The following POFUT3 variants were observed in gnomAD, a reference collection of about 807,000 sequenced individuals.
The protein encoded by POFUT3 is protein O-fucosyltransferase 3, also known as GDP-fucose protein O-fucosyltransferase 3.
At chr8:33,364,820 G>A in the POFUT3 span, among the ~76,000 whole-genome samples, 3 of 152,108 alleles carry the variant, frequency 2.0e-5, no homozygotes, top group South Asian at 2.1e-4. Context: ...AATCAATAGC[G>A]TGAAAATGGC....
the POFUT3 span, among the ~76,000 whole-genome samples, chr8:33,331,564 G>A: frequency 3.1e-4 from 47 of 152,276 alleles, no homozygotes; most frequent in African/African-American, 9.6e-4. Context: ...GCTCACACCT[G>A]TAATCTCAGC....
the POFUT3 span, among the ~76,000 whole-genome samples, chr8:33,319,424 A>T: frequency 0.11 from 3,719 of 33,324 alleles, 1,149 homozygotes; most frequent in East Asian, 0.6. Context: ...TAAATATATT[A>T]TATATATATT....
the POFUT3 span, among the ~76,000 whole-genome samples, chr8:33,310,011 T>C: frequency 6.6e-6 from 1 of 152,176 alleles, no homozygotes; most frequent in Non-Finnish European, 1.5e-5. Flanking sequence ...TCTCTATGCC[T>C]GAGTAGATTA....
chr8:33,405,348 T>C, the POFUT3 span, among the ~76,000 whole-genome samples: 1 of 152,148 alleles, frequency 6.6e-6, no homozygotes, highest in Non-Finnish European at 1.5e-5. Context: ...CTACATCGTC[T>C]TAAGAACTTT....
chr8:33,336,020 C>T, the POFUT3 span, among the ~76,000 whole-genome samples: 4 of 152,004 alleles, frequency 2.6e-5, no homozygotes, highest in South Asian at 4.1e-4. Context: ...GCAGTTCAAA[C>T]GCATGTTGTT....
the POFUT3 span, among the ~76,000 whole-genome samples, chr8:33,391,814 G>C: frequency 7.2e-5 from 11 of 152,110 alleles, no homozygotes; most frequent in Admixed American, 6.5e-4. Flanking sequence ...GAATTAACTG[G>C]GGGGATCAGG....
the POFUT3 span, among the ~76,000 whole-genome samples, chr8:33,353,360 A>G: frequency 1.3e-5 from 2 of 152,180 alleles, no homozygotes; most frequent in Non-Finnish European, 2.9e-5. Context: ...AGTTTGGCTG[A>G]ACTCACGCAT....
the POFUT3 span, among the ~76,000 whole-genome samples, chr8:33,413,580 C>T: frequency 4.6e-5 from 7 of 152,120 alleles, no homozygotes; most frequent in Admixed American, 1.3e-4. Context: ...CGGACAAAGA[C>T]ACACTCATAT....
chr8:33,462,658 A>C, the POFUT3 span, among the ~76,000 whole-genome samples: 2 of 152,214 alleles, frequency 1.3e-5, no homozygotes, highest in African/African-American at 4.8e-5. Context: ...TGCCAGGTAC[A>C]GTGGCTCATA....
At chr8:33,377,750 C>T in the POFUT3 span, among the ~76,000 whole-genome samples, 11 of 152,250 alleles carry the variant, frequency 7.2e-5, no homozygotes, top group African/African-American at 2.4e-4. Context: ...AGGTCTTGTG[C>T]GGAAAAACCA....
At chr8:33,310,354 C>A in the POFUT3 span, among the ~76,000 whole-genome samples, 2 of 152,162 alleles carry the variant, frequency 1.3e-5, no homozygotes, top group Non-Finnish European at 2.9e-5. Context: ...CAACTCAGTT[C>A]TTCGTCTTGT....
At chr8:33,372,656 G>T in the POFUT3 span, 2 of 1,613,996 alleles carry the variant, frequency 1.2e-6, no homozygotes, top group Non-Finnish European at 1.7e-6. Context: ...TAGTGCCTGG[G>T]CTTCTTTCTT....
the POFUT3 span, among the ~76,000 whole-genome samples, chr8:33,310,771 G>A: frequency 6.6e-6 from 1 of 151,920 alleles, no homozygotes; most frequent in Non-Finnish European, 1.5e-5. Flanking sequence ...CTATTCTCCT[G>A]TGGCTTTCAG....
chr8:33,390,283 C>T, the POFUT3 span, among the ~76,000 whole-genome samples: 1 of 152,106 alleles, frequency 6.6e-6, no homozygotes, highest in East Asian at 1.9e-4. Flanking sequence ...AAAGCTTTCA[C>T]CCCAGAAACT....
the POFUT3 span, among the ~76,000 whole-genome samples, chr8:33,383,197 C>A: frequency 2.0e-5 from 3 of 152,226 alleles, no homozygotes; most frequent in East Asian, 5.8e-4. Flanking sequence ...CTGGTTCACT[C>A]CCCTACTCCT....
chr8:33,408,439 A>G, the POFUT3 span, among the ~76,000 whole-genome samples: 1 of 152,104 alleles, frequency 6.6e-6, no homozygotes, highest in African/African-American at 2.4e-5. Flanking sequence ...AAAATCTCAT[A>G]TCAAGGAAAT....
At chr8:33,364,429 G>A in the POFUT3 span, among the ~76,000 whole-genome samples, 6 of 152,064 alleles carry the variant, frequency 3.9e-5, no homozygotes, top group South Asian at 2.1e-4. Flanking sequence ...CAGGGCAATC[G>A]GGCAAGAGAA....
At chr8:33,468,250 A>AG in the POFUT3 span, among the ~76,000 whole-genome samples, 1 of 150,036 alleles carries the variant, frequency 6.7e-6, no homozygotes, top group Non-Finnish European at 1.5e-5. Flanking sequence ...AAAAAAAAAA[A>AG]AAAAAAAGAA....
chr8:33,450,018 A>G, the POFUT3 span, among the ~76,000 whole-genome samples: 10 of 148,926 alleles, frequency 6.7e-5, no homozygotes, highest in Non-Finnish European at 1.3e-4. Context: ...GCTCACTGCA[A>G]CCTCCACCTC....
Sources: allele counts gnomAD v4.1 joint callset (sites outside exome capture counted in the v4.1 genomes callset), GRCh38; gene constraint gnomAD v4.1.1; transcripts MANE v1.5; gene names NCBI Gene and HGNC (gene_info 2026-07-23, HGNC 2026-07-21).